Variants in ZNF492 observed in about 807,000 individuals in gnomAD.
The protein encoded by ZNF492 is zinc finger protein 492, also known as zinc finger protein 115 (Y20).
In ZNF492, 3 loss-of-function variants were observed where a neutral mutation model predicts 6.4. That is an observed-to-expected ratio of 0.47 (90% confidence interval 0.21 to 1.22). ZNF492 has a LOEUF of 1.22. Ranked by LOEUF, ZNF492 falls within the 50% of genes most tolerant of loss-of-function variation. ZNF492 has a pLI of 0.22. For synonymous variants in ZNF492, 112 were observed against 205.3 expected (o/e 0.55, Z 3.89); for missense variants, 356 against 612.5 (o/e 0.58, Z 4.42).
chr19:22,657,329 T>C (rs1025157507), intron 3 of ZNF492, among the ~76,000 whole-genome samples: 4 of 152,152 alleles, frequency 2.6e-5, no homozygotes, highest in East Asian at 1.9e-4. Flanking sequence ...AATAGATATA[T>C]TTTTTCTTTA....
chr19:22,645,245 C>T (rs1971866022), intron 1 of ZNF492, among the ~76,000 whole-genome samples: 1 of 152,092 alleles, frequency 6.6e-6, no homozygotes, highest in Non-Finnish European at 1.5e-5. Flanking sequence ...TGGGGTTTCA[C>T]CATATTGGCC....
intron 1 of ZNF492, among the ~76,000 whole-genome samples, chr19:22,647,492 C>T (rs1971892285): frequency 6.6e-6 from 1 of 150,844 alleles, no homozygotes; most frequent in Non-Finnish European, 1.5e-5. Flanking sequence ...GAACTCCTAA[C>T]CTCAGGTGAT....
At chr19:22,634,884 T>C (rs1971744850) in intron 1 of ZNF492, among the ~76,000 whole-genome samples, 2 of 152,204 alleles carry the variant, frequency 1.3e-5, no homozygotes, top group South Asian at 2.1e-4. Flanking sequence ...TAAAAATTTA[T>C]GGGAGTTATC....
At chr19:22,637,889 G>A (rs566703749) in intron 1 of ZNF492, among the ~76,000 whole-genome samples, 2 of 152,156 alleles carry the variant, frequency 1.3e-5, no homozygotes, top group African/African-American at 4.8e-5. Flanking sequence ...CATCTGTTAT[G>A]TTTTGACTTT....
chr19:22,641,106 A>G (rs1017205002), intron 1 of ZNF492, among the ~76,000 whole-genome samples: 3 of 152,112 alleles, frequency 2.0e-5, no homozygotes, highest in African/African-American at 7.2e-5. Context: ...AAAATCTTCC[A>G]TTCAGAAATG....
chr19:22,660,219 TG>T (rs1463272170), intron 3 of ZNF492, among the ~76,000 whole-genome samples: 1 of 152,220 alleles, frequency 6.6e-6, no homozygotes, highest in Non-Finnish European at 1.5e-5. Flanking sequence ...ATTTTTAATC[TG>T]TTGAAAGTAT....
Position 22,664,943 on chromosome 19 carries a change from A to G in ZNF492, c.1274A>G (p.Glu425Gly), listed in dbSNP as rs1972106253. 1 of 1,610,122 alleles carries G rather than the reference A, an allele frequency of 6.2e-7. No individual in the cohort carries two copies. Among genetic ancestry groups the G allele is most frequent in the Non-Finnish European group, 8.5e-7 (1 of 1,178,136 alleles). ...GGAGAGAAACCCTACAAATGTGAAG[A>G]ATGTGGCAAAGCTTTTAACCAGTCC... ...HTGEKPYKCE[E>G]CGKAFNQSST... Residue 425 changes from glutamate (E) to glycine (G), a missense_variant, in exon 4 of 4, where the codon GAA becomes GGA. Transcript: ENST00000456783.
intron 1 of ZNF492, among the ~76,000 whole-genome samples, chr19:22,648,652 GGA>G (rs1971908892): frequency 6.6e-6 from 1 of 152,168 alleles, no homozygotes; most frequent in South Asian, 2.1e-4. Context: ...TATGTATTTA[GGA>G]GAGTTAGCTC....
At chr19:22,647,077 G>T (rs1971885149) in intron 1 of ZNF492, among the ~76,000 whole-genome samples, 1 of 148,138 alleles carries the variant, frequency 6.8e-6, no homozygotes, top group African/African-American at 2.5e-5. Flanking sequence ...TTTTAGTAGA[G>T]ACGAAGTTTC....
chr19:22,647,187 G>A (rs569293402), intron 1 of ZNF492, among the ~76,000 whole-genome samples: 4 of 151,790 alleles, frequency 2.6e-5, no homozygotes, highest in Admixed American at 6.6e-5. Context: ...CACTGCGCCC[G>A]GCCTGGTGGA....
chr19:22,666,107 ACT>A lies in ZNF492; in HGVS notation c.*844_*845del, dbSNP rs1469028161. On this transcript the variant is annotated 3_prime_UTR_variant, in exon 4 of 4. Coordinates refer to ENST00000456783, the MANE Select transcript of ZNF492 (RefSeq NM_020855.3). Reference sequence around the variant, plus strand: ...CTTCATACAAATAATGTTGTAATTAACTCAAATTACTTCGTGTTAATGTTGTA... The same window carrying A: ...CTTCATACAAATAATGTTGTAATTAACAAATTACTTCGTGTTAATGTTGTA... The A allele has an allele frequency of 2.6e-5, 4 of 152,232 alleles. No individual in the cohort carries two copies. The highest frequency in any genetic ancestry group is 6.5e-5 in the Admixed American group (1 of 15,288). The allele number at this position is 152,232 out of a possible 1,614,324, so 9.4% of individuals were successfully genotyped here.
intron 3 of ZNF492, among the ~76,000 whole-genome samples, chr19:22,661,259 T>C (rs1166278739): frequency 6.6e-6 from 1 of 152,108 alleles, no homozygotes; most frequent in African/African-American, 2.4e-5. Context: ...TTTTTGTGAC[T>C]TTCTACAGTG....
intron 1 of ZNF492, among the ~76,000 whole-genome samples, chr19:22,646,871 T>C (rs189641544): frequency 3.1e-4 from 47 of 152,332 alleles, no homozygotes; most frequent in Admixed American, 3.0e-3. Context: ...TGAAGCCGAC[T>C]TGATCATGGT....
At chr19:22,656,675 G>GT (rs1971999857) in intron 3 of ZNF492, among the ~76,000 whole-genome samples, 1 of 152,068 alleles carries the variant, frequency 6.6e-6, no homozygotes, top group South Asian at 2.1e-4. Flanking sequence ...TGATTGCAGT[G>GT]TAAGTTCAGA....
At chr19:22,645,837 G>T (rs1326762941) in intron 1 of ZNF492, among the ~76,000 whole-genome samples, 1 of 152,110 alleles carries the variant, frequency 6.6e-6, no homozygotes, top group Non-Finnish European at 1.5e-5. Context: ...TTGTAGACGT[G>T]TGGTGTTATT....
At chr19:22,647,334 G>A (rs1254687298) in intron 1 of ZNF492, among the ~76,000 whole-genome samples, 1 of 147,672 alleles carries the variant, frequency 6.8e-6, no homozygotes, top group East Asian at 2.0e-4. Context: ...CTGGCTCACT[G>A]CAACCTCCGC....
chr19:22,664,161 T>G lies in ZNF492; in HGVS notation c.492T>G (p.Ser164Arg). The G allele has an allele frequency of 6.2e-7, 1 of 1,607,584 alleles. No homozygotes were observed. The part of the protein sequence containing the change: ...SHLAQHKRIH[S>R]GEKPYKCKEC... ...TAGCTCAACATAAAAGAATTCATAG[T>G]GGAGAGAAACCCTACAAATGTAAAG... The change falls in exon 4 of 4, where the codon AGT (serine) becomes AGG (arginine). Residue 164 changes from serine to arginine, a missense_variant. Ser to Arg is a moderately radical substitution (Grantham distance 110). Transcript: ENST00000456783.
chr19:22,658,272 C>T (rs1972017342), intron 3 of ZNF492, among the ~76,000 whole-genome samples: 1 of 151,424 alleles, frequency 6.6e-6, no homozygotes, highest in African/African-American at 2.4e-5. Context: ...CATTTTAAAA[C>T]TTAGCCAGAC....
chr19:22,636,537 TGTGTGTGTTTGTG>T (rs1971766554), intron 1 of ZNF492, among the ~76,000 whole-genome samples: 2 of 151,570 alleles, frequency 1.3e-5, no homozygotes, highest in African/African-American at 4.9e-5. Context: ...TGTGTGTGTG[TGTGTGTGTTTGTG>T]TGTGTGCGTG....
Sources: allele counts gnomAD v4.1 joint callset (sites outside exome capture counted in the v4.1 genomes callset), GRCh38; gene constraint gnomAD v4.1.1; transcripts MANE v1.5; gene names NCBI Gene and HGNC (gene_info 2026-07-23, HGNC 2026-07-21).